The following GRM5 variants were observed in gnomAD, a reference collection of about 807,000 sequenced individuals.
The protein encoded by GRM5 is metabotropic glutamate receptor 5.
Under a neutral mutation model 83.1 loss-of-function variants are expected in GRM5, and 19 were observed. The observed-to-expected ratio is 0.23, with a 90% confidence interval of 0.16 to 0.34. GRM5 has a LOEUF of 0.34. GRM5 is among the 10% of genes least tolerant of loss of function. The pLI, the probability that GRM5 is intolerant of heterozygous loss-of-function variation, is 1.00. For synonymous variants in GRM5, 675 were observed against 633.6 expected, an observed-to-expected ratio of 1.07 and a Z score of -0.98; for missense variants, 1,160 against 1,588.3, an observed-to-expected ratio of 0.73 and a Z score of 4.58.
At chr11:88,788,702 T>C (rs1258096993) in intron 3 of GRM5, among the ~76,000 whole-genome samples, 2 of 152,178 alleles carry the variant, frequency 1.3e-5, no homozygotes, top group Non-Finnish European at 2.9e-5. Flanking sequence ...TAAATGCTTC[T>C]TAATTTCCAA....
At chr11:88,931,907 T>C (rs1427193235) in intron 2 of GRM5, among the ~76,000 whole-genome samples, 1 of 152,146 alleles carries the variant, frequency 6.6e-6, no homozygotes, top group East Asian at 1.9e-4. Context: ...GAAAACACAC[T>C]GCATGGTTCA....
chr11:88,998,798 G>A (rs2135064423), intron 2 of GRM5, among the ~76,000 whole-genome samples: 1 of 152,174 alleles, frequency 6.6e-6, no homozygotes, highest in African/African-American at 2.4e-5. Flanking sequence ...TGAGCATATG[G>A]ACATTGAAAA....
At chr11:88,676,740 A>G (rs1221388321) in intron 3 of GRM5, among the ~76,000 whole-genome samples, 1 of 152,060 alleles carries the variant, frequency 6.6e-6, no homozygotes, top group Non-Finnish European at 1.5e-5. Flanking sequence ...TATAATGAAA[A>G]TACTTTTAAA....
chr11:88,990,542 T>G lies in GRM5; in HGVS notation c.661+56670A>C, dbSNP rs1467126449. On this transcript the variant is annotated intron_variant, in intron 2 of 9. Transcript: ENST00000305447. ...CCAGCATCATTCTGATACCAAAGCC[T>G]GGCAGAGACACAACCAAAAAAGAGA... Among the ~76,000 whole-genome samples the G allele has an allele frequency of 2.0e-3, 305 of 151,098 alleles. 2 individuals carry two copies. Among genetic ancestry groups the G allele is most frequent in the African/African-American group, 7.1e-3 (291 of 40,912 alleles).
chr11:89,060,220 G>GTA (rs1443606111), intron 1 of GRM5, among the ~76,000 whole-genome samples: 1 of 150,844 alleles, frequency 6.6e-6, no homozygotes, highest in East Asian at 1.9e-4. Context: ...GCGTATGTAT[G>GTA]TATATATATT....
intron 9 of GRM5, chr11:88,524,125 C>T (rs1385274082): frequency 6.6e-6 from 1 of 151,946 alleles, no homozygotes; most frequent in African/African-American, 2.4e-5. Flanking sequence ...GCTCCTTCAA[C>T]ATTCTGGAAC....
At chr11:88,775,186 G>A (rs57467571) in intron 3 of GRM5, among the ~76,000 whole-genome samples, 17,179 of 152,110 alleles carry the variant, frequency 0.11, 2,127 homozygotes, top group African/African-American at 0.31. Context: ...TATGCGTCCA[G>A]GAATTTATCC....
chr11:88,782,099 A>G (rs1304682032), intron 3 of GRM5, among the ~76,000 whole-genome samples: 1 of 152,028 alleles, frequency 6.6e-6, no homozygotes, highest in Non-Finnish European at 1.5e-5. Flanking sequence ...ATTAATATGT[A>G]TATTATTAAA....
chr11:88,771,392 C>T (rs1052351727), intron 3 of GRM5, among the ~76,000 whole-genome samples: 2 of 152,102 alleles, frequency 1.3e-5, no homozygotes, highest in African/African-American at 4.8e-5. Context: ...AGCCTTCATT[C>T]CACGGCTGAA....
At chr11:88,803,392 A>G (rs563606948) in intron 3 of GRM5, among the ~76,000 whole-genome samples, 427 of 152,232 alleles carry the variant, frequency 2.8e-3, no homozygotes, top group Non-Finnish European at 4.4e-3. Flanking sequence ...CATATCTACA[A>G]CTATCTGATC....
At chr11:88,776,016 A>T (rs780581553) in intron 3 of GRM5, among the ~76,000 whole-genome samples, 2 of 152,020 alleles carry the variant, frequency 1.3e-5, no homozygotes, top group Non-Finnish European at 2.9e-5. Flanking sequence ...TGTCTTGTTG[A>T]TCTGTCTAAT....
intron 8 of GRM5, among the ~76,000 whole-genome samples, chr11:88,548,284 G>T (rs960057196): frequency 1.3e-5 from 2 of 152,114 alleles, no homozygotes; most frequent in African/African-American, 4.8e-5. Context: ...TTCTAAGCAG[G>T]ACTAATGTAA....
At chr11:88,762,896 T>C (rs1942555260) in intron 3 of GRM5, among the ~76,000 whole-genome samples, 1 of 151,886 alleles carries the variant, frequency 6.6e-6, no homozygotes, top group South Asian at 2.1e-4. Context: ...TGGAGGTCAT[T>C]ATCCTTAGCC....
At chr11:88,939,896 G>C (rs944805556) in intron 2 of GRM5, among the ~76,000 whole-genome samples, 5 of 151,646 alleles carry the variant, frequency 3.3e-5, no homozygotes, top group African/African-American at 1.2e-4. Context: ...AGAAGCAGCA[G>C]ACCATGTGCA....
intron 3 of GRM5, among the ~76,000 whole-genome samples, chr11:88,780,062 C>T (rs1174616762): frequency 6.6e-6 from 1 of 152,176 alleles, no homozygotes; most frequent in African/African-American, 2.4e-5. Context: ...GATCTCAACT[C>T]TTCTGCAGAA....
intron 2 of GRM5, among the ~76,000 whole-genome samples, chr11:88,879,904 G>T (rs1294296429): frequency 3.3e-5 from 5 of 152,182 alleles, no homozygotes; most frequent in African/African-American, 1.2e-4. Flanking sequence ...AGGATGGAAG[G>T]TGGGGTGGGA....
Position 88,736,103 on chromosome 11 carries a change from T to C in GRM5, c.912-82700A>G, listed in dbSNP as rs16914735. ...TATTTATGTCCTTAGAAAAACCTGT[T>C]CACCACTTTTAGTCTCAGTTAAAGG... On this transcript the variant is annotated intron_variant, in intron 3 of 9. Transcript: ENST00000305447. Among the ~76,000 whole-genome samples the C allele has an allele frequency of 4.6e-3, 698 of 152,182 alleles. 9 individuals are homozygous for C. The highest frequency in any genetic ancestry group is 0.036 in the Admixed American group (546 of 15,252).
At chr11:89,052,593 T>C (rs1382248229) in intron 1 of GRM5, among the ~76,000 whole-genome samples, 1 of 152,168 alleles carries the variant, frequency 6.6e-6, no homozygotes, top group Non-Finnish European at 1.5e-5. Flanking sequence ...ATGTGTGGCA[T>C]ATGTATACCA....
chr11:88,599,811 A>G (rs1284015482), intron 5 of GRM5, among the ~76,000 whole-genome samples: 1 of 152,090 alleles, frequency 6.6e-6, no homozygotes, highest in Non-Finnish European at 1.5e-5. Flanking sequence ...CAGGAGATCG[A>G]GACCATCCTG....
Sources: allele counts gnomAD v4.1 joint callset (sites outside exome capture counted in the v4.1 genomes callset), GRCh38; gene constraint gnomAD v4.1.1; transcripts MANE v1.5; gene names NCBI Gene and HGNC (gene_info 2026-07-23, HGNC 2026-07-21).